The following ITPR1 variants were observed in gnomAD, a reference collection of about 807,000 sequenced individuals.
The protein encoded by ITPR1 is inositol 1,4,5-trisphosphate-gated calcium channel ITPR1.
A neutral mutation model predicts 318.4 loss-of-function variants in ITPR1; 96 were observed. The ratio of observed to expected loss-of-function variants is 0.30; its 90% CI spans 0.26 to 0.36. The LOEUF is 0.36. Ranked by LOEUF, ITPR1 falls within the 10% of genes least tolerant of loss-of-function variation. The probability of loss-of-function intolerance (pLI) is 1.00; values close to 1 mark genes in which losing one functional copy is unlikely to be tolerated. For synonymous variants in ITPR1, 1,312 were observed against 1,289.9 expected (o/e 1.02, Z -0.37); for missense variants, 2,440 against 3,460.2 (o/e 0.71, Z 7.40).
chr3:4,790,573 G>A (rs778362746), intron 52 of ITPR1, among the ~76,000 whole-genome samples: 4 of 152,098 alleles, frequency 2.6e-5, no homozygotes, highest in Non-Finnish European at 1.5e-5. Context: ...TGTACTCATC[G>A]GAAATACAAT....
At chr3:4,563,887 G>A (rs1157010293) in intron 4 of ITPR1, among the ~76,000 whole-genome samples, 2 of 151,946 alleles carry the variant, frequency 1.3e-5, no homozygotes, top group Non-Finnish European at 2.9e-5. Context: ...TGGCTTGAAC[G>A]ACAGAAATTT....
At chr3:4,542,812 C>A (rs1220741181) in intron 4 of ITPR1, among the ~76,000 whole-genome samples, 2 of 152,184 alleles carry the variant, frequency 1.3e-5, no homozygotes, top group Non-Finnish European at 2.9e-5. Flanking sequence ...TCCAGATATT[C>A]TCAGAGTTCT....
chr3:4,593,508 A>C (rs762092946), intron 4 of ITPR1, among the ~76,000 whole-genome samples: 2 of 152,248 alleles, frequency 1.3e-5, no homozygotes, highest in Non-Finnish European at 2.9e-5. Flanking sequence ...GGCTAAAATT[A>C]CAACGTGAAC....
Position 4,526,687 on chromosome 3 carries a change from C to G in ITPR1, c.163+5593C>G, listed in dbSNP as rs548089575. Among the ~76,000 whole-genome samples the G allele has an allele frequency of 1.5e-4, 23 of 150,872 alleles. No individual in the cohort carries two copies. The South Asian group carries it at 4.4e-3, about 29-fold the overall frequency. The stretch of plus-strand genomic sequence containing the variant: ...CTATGAGGTGTAGGTCTTGATGTTC[C>G]CATTATGCAGTTGAGGAAATGGAAG... On this transcript the variant is annotated intron_variant, in intron 4 of 61. Transcript: ENST00000649015.
intron 30 of ITPR1, among the ~76,000 whole-genome samples, chr3:4,687,125 C>T (rs1433773463): frequency 6.6e-6 from 1 of 152,328 alleles, no homozygotes; most frequent in Non-Finnish European, 1.5e-5. Context: ...TCTAATCCAC[C>T]ACCTGTTTTG....
intron 44 of ITPR1, among the ~76,000 whole-genome samples, chr3:4,754,049 G>GGC (rs1553727662): frequency 8.6e-5 from 6 of 70,098 alleles, no homozygotes; most frequent in African/African-American, 3.6e-4. Flanking sequence ...CACAGAAAAT[G>GGC]GGGGGGGGGT....
At chr3:4,825,987 G>A (rs1485584073) in intron 60 of ITPR1, 1 of 357,760 alleles carries the variant, frequency 2.8e-6, no homozygotes, top group Non-Finnish European at 5.5e-6. Context: ...CTCACTTTAA[G>A]GAACTCAGAA....
intron 4 of ITPR1, among the ~76,000 whole-genome samples, chr3:4,602,475 C>T (rs1307011799): frequency 6.9e-6 from 1 of 145,842 alleles, no homozygotes; most frequent in African/African-American, 2.6e-5. Flanking sequence ...CTGCAGTGAG[C>T]TGACATTGCA....
rs2094153014 is a variant in ITPR1 at position 4,674,859 on chromosome 3, A to G, written c.2599-209A>G. ...GGTCTTTTTTTTTTTTTGATTAGTC[A>G]TCAGAGCAGATCAGTAGCTTTCCAT... On this transcript the variant is annotated intron_variant, in intron 22 of 61. Transcript: ENST00000649015. 2.0e-5 allele frequency among the ~76,000 whole-genome samples: 3 copies of G among 150,078 alleles called. No individual in the cohort carries two copies. The South Asian group carries it at 6.3e-4, about 31-fold the overall frequency.
At chr3:4,556,691 A>C (rs1397806628) in intron 4 of ITPR1, among the ~76,000 whole-genome samples, 1 of 152,004 alleles carries the variant, frequency 6.6e-6, no homozygotes, top group East Asian at 1.9e-4. Context: ...TGGATATACC[A>C]CGATTTATAT....
intron 4 of ITPR1, among the ~76,000 whole-genome samples, chr3:4,543,261 CA>C (rs879593198): frequency 1.6e-3 from 185 of 118,746 alleles, no homozygotes; most frequent in Middle Eastern, 4.5e-3. Context: ...GAGCCTGTCT[CA>C]AAAAAAAAAA....
At chr3:4,731,417 T>C (rs1415123324) in intron 42 of ITPR1, among the ~76,000 whole-genome samples, 6 of 152,256 alleles carry the variant, frequency 3.9e-5, no homozygotes, top group Admixed American at 3.9e-4. Flanking sequence ...TGAAGCACTC[T>C]TGGAATTTTG....
intron 5 of ITPR1, among the ~76,000 whole-genome samples, chr3:4,628,211 T>A (rs2092903056): frequency 6.6e-6 from 1 of 151,676 alleles, no homozygotes; most frequent in Non-Finnish European, 1.5e-5. Flanking sequence ...CTTGGGCACG[T>A]TATGTGCTGT....
intron 4 of ITPR1, among the ~76,000 whole-genome samples, chr3:4,582,418 G>A (rs978371775): frequency 5.1e-4 from 77 of 152,174 alleles, no homozygotes; most frequent in African/African-American, 1.8e-3. Flanking sequence ...GCTGTGAAGG[G>A]ACGGATGGTC....
intron 44 of ITPR1, among the ~76,000 whole-genome samples, chr3:4,763,043 C>G (rs2045562464): frequency 6.6e-6 from 1 of 152,160 alleles, no homozygotes; most frequent in Non-Finnish European, 1.5e-5. Context: ...GAGATCGTGT[C>G]CTTTGCAGGG....
At position 4,702,764 on chromosome 3, in the gene ITPR1, A is replaced by G. The variant is rs2094682588; in HGVS notation, c.4537-66A>G. The G allele has an allele frequency of 6.5e-6, 10 of 1,536,050 alleles. No homozygotes were observed. In the South Asian group the frequency reaches 1.2e-4, roughly 18 times the overall value. ...GTTCAAGACAATGTCTCTGTCTCTG[A>G]TCGGATCATCAGTAGTCTACAAATA... On this transcript the variant is annotated intron_variant, in intron 35 of 61. Transcript: ENST00000649015.
intron 35 of ITPR1, among the ~76,000 whole-genome samples, chr3:4,701,149 C>T (rs1229483432): frequency 6.6e-6 from 1 of 152,140 alleles, no homozygotes. Flanking sequence ...ACTGAGGTGT[C>T]AAATAGGAGC....
intron 44 of ITPR1, among the ~76,000 whole-genome samples, chr3:4,737,596 C>T (rs2043369471): frequency 6.6e-6 from 1 of 152,154 alleles, no homozygotes; most frequent in Admixed American, 6.5e-5. Context: ...AGGAGCAGTG[C>T]AGCCCTCCAA....
In ITPR1 at chr3:4,516,342, G is replaced by A. The variant is rs1324407200; in HGVS notation, c.-16-134G>A. 3 of 534,034 alleles carry A rather than the reference G, an allele frequency of 5.6e-6. No individual in the cohort carries two copies. In the African/African-American group the frequency reaches 6.0e-5, roughly 11 times the overall value. 33.1% of individuals were successfully genotyped at this position (534,034 alleles called of 1,614,324 possible). The stretch of plus-strand genomic sequence containing the variant: ...ACTTGGCTCATTGAATCGCCTGCCT[G>A]TCAAACTGTTATTTAAATTTGACTT... On this transcript the variant is annotated intron_variant, in intron 2 of 61. Transcript: ENST00000649015.
Sources: gnomAD v4.1 joint callset for allele counts (sites outside exome capture counted in the v4.1 genomes callset) on GRCh38, gnomAD v4.1.1 for gene constraint, MANE v1.5 for transcripts, NCBI Gene and HGNC (gene_info 2026-07-23, HGNC 2026-07-21) for gene names.